Variants in PEAR1 observed in about 807,000 individuals in gnomAD.
PEAR1 encodes the protein multiple EGF-like domains protein 12.
In PEAR1, 113 loss-of-function variants were observed where a neutral mutation model predicts 131.2. That is an observed-to-expected ratio of 0.86 (90% CI 0.74 to 1.01). The LOEUF is 1.01. Among genes scored for constraint, PEAR1 ranks in the 50% least tolerant of loss-of-function variants. The pLI, the probability that PEAR1 is intolerant of heterozygous loss-of-function variation, is 0.00. For missense variants in PEAR1, 1,408 were observed against 1,391.1 expected (o/e 1.01, Z -0.19); for synonymous variants, 565 against 523.3 (o/e 1.08, Z -1.09).
At chr1:156,910,176 G>A in intron 13 of PEAR1, 58 bp from the exon 14 acceptor site, 1 of 1,613,204 alleles carries the variant, frequency 6.2e-7, no homozygotes, top group South Asian at 1.1e-5. Context: ...GTGTCCAGAA[G>A]AGCCCCCTGG....
intron 1 of PEAR1, among the ~76,000 whole-genome samples, chr1:156,896,389 G>C (rs979098618): frequency 1.3e-5 from 2 of 152,206 alleles, no homozygotes; most frequent in Non-Finnish European, 2.9e-5. Flanking sequence ...TCCTGCTCTT[G>C]CCCCTGGCAG....
chr1:156,911,208 CTTTCTT>C (rs369599720), intron 15 of PEAR1, among the ~76,000 whole-genome samples: 3,245 of 84,662 alleles, frequency 0.038, 292 homozygotes, highest in East Asian at 0.12. Flanking sequence ...TCTTTTCTTT[CTTTCTT>C]TCTTTCCTTT....
Position 156,912,822 on chromosome 1 carries a change from G to T in PEAR1, c.2262G>T (p.Ser754=). 2 of 1,614,204 alleles carry T rather than the reference G, an allele frequency of 1.2e-6. No homozygotes were observed. The highest frequency in any genetic ancestry group is 1.1e-5 in the South Asian group (1 of 91,086). Residue 754 remains serine, a synonymous_variant, in exon 18 of 23, where the codon TCG becomes TCT. Coordinates refer to ENST00000292357, the MANE Select transcript of PEAR1 (RefSeq NM_001080471.3). The part of the protein sequence containing the change: ...VMPTTPVAYN[S]LGAVIGIAVL... ...CGACCACTCCAGTAGCGTATAACTC[G>T]CTGGGTGCAGTGATTGGCATTGCAG...
In PEAR1 at chr1:156,908,304, A is replaced by C; in HGVS notation, c.1079A>C (p.Gln360Pro). The C allele has an allele frequency of 6.4e-7, 1 of 1,566,884 alleles. No homozygotes were observed. The highest frequency in any genetic ancestry group is 8.6e-7 in the Non-Finnish European group (1 of 1,160,794). The stretch of plus-strand genomic sequence containing the variant: ...GACGGCTTCTACGGTCTCAGCTGCC[A>C]GGCCCCCTGCACCTGCGACCGGGAG... Reference protein sequence around the residue: ...CPDGFYGLSCQAPCTCDREHS... With the variant: ...CPDGFYGLSCPAPCTCDREHS... The change falls in exon 9 of 23, where the codon CAG becomes CCG. Residue 360 changes from glutamine (Q) to proline (P), a missense_variant. Gln to Pro is a moderately conservative substitution (Grantham distance 76). Transcript: ENST00000292357. This position sits in a 1 kb window ranked among gnomAD's most constrained non-coding sequence, Gnocchi z 4.2.
Position 156,908,233 on chromosome 1 carries a change from C to A in PEAR1, c.1008C>A (p.Cys336Ter), listed in dbSNP as rs772007055. Residue 336 changes from cysteine to a stop codon, truncating the protein, a stop_gained, in exon 9 of 23, where the codon TGC (cysteine) becomes TGA (stop). Coordinates refer to ENST00000292357, the MANE Select transcript of PEAR1 (RefSeq NM_001080471.3). LOFTEE classifies it high-confidence loss of function. This position sits in a 1 kb window ranked among gnomAD's most constrained non-coding sequence, Gnocchi z 4.2. ...TCCCGGCCAACGGCGCATGTCTGTG[C>A]GAACACGGCTTCACTGGGGACCGCT... ...RCFPANGACLCEHGFTGDRCT... is the reference protein window; with the variant it reads ...RCFPANGACL 6.2e-7 allele frequency: 1 copy of A among 1,600,946 alleles called. No individual in the cohort carries two copies. Among genetic ancestry groups the A allele is most frequent in the Non-Finnish European group, 8.5e-7 (1 of 1,177,926 alleles).
At position 156,908,198 on chromosome 1, in the gene PEAR1, G is replaced by GC. The variant is rs1000724727; in HGVS notation, c.976dup (p.Arg326ProfsTer111). 1 of 1,603,128 alleles carries GC rather than the reference G, an allele frequency of 6.2e-7. No homozygotes were observed. The highest frequency in any genetic ancestry group is 8.5e-7 in the Non-Finnish European group (1 of 1,178,950). On this transcript the variant is annotated frameshift_variant, in exon 9 of 23. Transcript: ENST00000292357. LOFTEE classifies it high-confidence loss of function. The surrounding 1 kb of genome is among the most constrained non-coding windows in gnomAD (Gnocchi z 4.2). ...TGAGACGTGCGACTGCGCCCCGGAC[G>GC]CCCGTTGCTTCCCGGCCAACGGCGC...
At chr1:156,894,969 C>G (rs560597299) in intron 1 of PEAR1, among the ~76,000 whole-genome samples, 67 of 152,330 alleles carry the variant, frequency 4.4e-4, no homozygotes, top group African/African-American at 1.5e-3. Flanking sequence ...GTTGTGTGTG[C>G]TTGTGAGCCA....
rs372522340 is a variant in PEAR1 at position 156,907,896 on chromosome 1, T to A, written c.766-19T>A. 123 of 1,596,596 alleles carry A rather than the reference T, an allele frequency of 7.7e-5. No homozygotes were observed. In the Middle Eastern group the frequency reaches 1.3e-3, roughly 17 times the overall value. ...GGAGGCTGGGTGCCTGGGGCCCTGT[T>A]GACCTCTTATCCCCACAGGGCACCA... is the stretch of plus-strand genomic sequence containing the variant. On this transcript the variant is annotated intron_variant, in intron 7 of 22. Transcript: ENST00000292357.
rs143969073 is a variant in PEAR1 at position 156,907,108 on chromosome 1, A to G, written c.644+228A>G. ...CTGTAAAACGGGAATAGTATTGTCT[A>G]CATGGCAGGGTGGCTGTGAAGATAA... is the stretch of plus-strand genomic sequence containing the variant. On this transcript the variant is annotated intron_variant, in intron 6 of 22. Coordinates refer to ENST00000292357, the MANE Select transcript of PEAR1 (RefSeq NM_001080471.3). Among the ~76,000 whole-genome samples the G allele has an allele frequency of 2.2e-4, 33 of 152,324 alleles. No homozygotes were observed. The East Asian group carries it at 6.0e-3, about 28-fold the overall frequency.
At chr1:156,899,311 C>T (rs528811100) in intron 1 of PEAR1, among the ~76,000 whole-genome samples, 102 of 152,086 alleles carry the variant, frequency 6.7e-4, no homozygotes, top group South Asian at 1.7e-3. Flanking sequence ...GGCAGTCGGA[C>T]CGAGCAAGGA....
rs182282686 is a variant in PEAR1 at position 156,904,301 on chromosome 1, A to G, written c.101+274A>G. ...CTGTGGGAGGCCAACTTTGGAACAG[A>G]GCGCAGAGTGGGAGCCATTCGTTGT... On this transcript the variant is annotated intron_variant, in intron 2 of 22. Coordinates refer to ENST00000292357, the MANE Select transcript of PEAR1 (RefSeq NM_001080471.3). 1.7e-3 allele frequency among the ~76,000 whole-genome samples: 256 copies of G among 152,236 alleles called. 2 individuals carry two copies. The highest frequency in any genetic ancestry group is 1.9e-3 in the South Asian group (9 of 4,818).
At chr1:156,898,872 A>G (rs1649412857) in intron 1 of PEAR1, among the ~76,000 whole-genome samples, 1 of 152,212 alleles carries the variant, frequency 6.6e-6, no homozygotes. Flanking sequence ...AGGAACGGAA[A>G]AAGAGAGGCA....
Position 156,913,822 on chromosome 1 carries a change from T to C in PEAR1, c.2714-30T>C, listed in dbSNP as rs530409154. The stretch of plus-strand genomic sequence containing the variant: ...TGGGGCTGAGGAACCAGTGCCTCCA[T>C]GCGGCCTGACTTCTTTCCTCTATCC... On this transcript the variant is annotated intron_variant, in intron 21 of 22. Transcript: ENST00000292357. The C allele has an allele frequency of 1.1e-5, 17 of 1,610,820 alleles. No individual in the cohort carries two copies. In the South Asian group the frequency reaches 1.2e-4, roughly 11 times the overall value.
chr1:156,899,587 G>T (rs1649483393), intron 1 of PEAR1, among the ~76,000 whole-genome samples: 2 of 152,232 alleles, frequency 1.3e-5, no homozygotes, highest in Admixed American at 1.3e-4. Flanking sequence ...AAGGCGCCAA[G>T]GGGAGGGCGG....
intron 15 of PEAR1, among the ~76,000 whole-genome samples, chr1:156,911,135 CT>C (rs1651103145): frequency 1.5e-5 from 2 of 129,740 alleles, no homozygotes; most frequent in African/African-American, 5.9e-5. Flanking sequence ...TCTTTCCTTT[CT>C]TTCTTTTCTT....
rs561675272 is a variant in PEAR1, at chr1:156,905,086, G to C, written c.206+234G>C. On this transcript the variant is annotated intron_variant, in intron 3 of 22. Transcript: ENST00000292357. ...TACAGTATATGCCTGTGGGGTTGGG[G>C]GGGGGGCAAGAAGGGAATGCTCTTT... 2.5e-4 allele frequency: 344 copies of C among 1,365,452 alleles called. 2 individuals carry two copies. The South Asian group carries it at 3.3e-3, about 13-fold the overall frequency. 84.6% of individuals were successfully genotyped at this position (1,365,452 alleles called of 1,614,324 possible).
chr1:156,910,509 C>G, intron 14 of PEAR1, 109 bp from the exon 15 acceptor site: 1 of 1,553,808 alleles, frequency 6.4e-7, no homozygotes, highest in Non-Finnish European at 8.7e-7. Context: ...TTCCTCTGAC[C>G]CGTCTTCAGA....
Position 156,908,730 on chromosome 1 carries a change from G to T in PEAR1, c.1191G>T (p.Gln397His). 1.3e-6 allele frequency: 2 copies of T among 1,558,974 alleles called. No individual in the cohort carries two copies. Among genetic ancestry groups the T allele is most frequent in the Non-Finnish European group, 8.7e-7 (1 of 1,155,718 alleles). Residue 397 changes from glutamine (Q) to histidine (H), a missense_variant, in exon 10 of 23, where the codon CAG (glutamine) becomes CAT (histidine). Coordinates refer to ENST00000292357, the MANE Select transcript of PEAR1 (RefSeq NM_001080471.3). The surrounding 1 kb of genome is among the most constrained non-coding windows in gnomAD (Gnocchi z 4.2). ...AGLHCNESCP[Q>H]DTHGPGCQEH... ...TCCACTGCAACGAGAGCTGCCCGCA[G>T]GACACGCATGGGCCAGGGTGCCAGG...
rs192134611 is a variant in PEAR1 at position 156,904,964 on chromosome 1, G to A, written c.206+112G>A. On this transcript the variant is annotated intron_variant, in intron 3 of 22. Transcript: ENST00000292357. ...CTCAGAAACTCAGAGGAAACTCCTG[G>A]CTTCTAGGGATTCATTCTGCATGGT... 12 of 1,564,670 alleles carry A rather than the reference G, an allele frequency of 7.7e-6. No individual in the cohort carries two copies. In the East Asian group the frequency reaches 2.7e-4, roughly 35 times the overall value.
Sources: allele counts gnomAD v4.1 joint callset (sites outside exome capture counted in the v4.1 genomes callset), GRCh38; gene constraint gnomAD v4.1.1; non-coding constraint Gnocchi (gnomAD v3.1); transcripts MANE v1.5; gene names NCBI Gene and HGNC (gene_info 2026-07-23, HGNC 2026-07-21).